Variants in ASCC3 observed in about 807,000 individuals in gnomAD.
ASCC3 encodes ASC-1 complex subunit P200.
A neutral mutation model predicts 256.3 loss-of-function variants in ASCC3; 158 were observed. The observed-to-expected ratio is 0.62, with a 90% CI of 0.54 to 0.70. The LOEUF is 0.70. Among genes scored for constraint, ASCC3 ranks in the 30% least tolerant of loss-of-function variants. The pLI is 0.00. For synonymous variants in ASCC3, 948 were observed against 883.4 expected, an observed-to-expected ratio of 1.07 and a Z score of -1.30; for missense variants, 2,259 against 2,626.0, an observed-to-expected ratio of 0.86 and a Z score of 3.05.
At chr6:100,538,923 T>C (rs1167925955) in intron 37 of ASCC3, among the ~76,000 whole-genome samples, 1 of 152,098 alleles carries the variant, frequency 6.6e-6, no homozygotes, top group Non-Finnish European at 1.5e-5. Context: ...CGAAATCCTT[T>C]ATAATCGCAA....
intron 30 of ASCC3, among the ~76,000 whole-genome samples, chr6:100,618,917 A>G (rs952647475): frequency 6.6e-6 from 1 of 152,216 alleles, no homozygotes; most frequent in African/African-American, 2.4e-5. Flanking sequence ...AACTCACTTC[A>G]TAAAGGAAAA....
At chr6:100,749,894 A>C (rs1254657856) in intron 10 of ASCC3, among the ~76,000 whole-genome samples, 1 of 151,638 alleles carries the variant, frequency 6.6e-6, no homozygotes, top group Non-Finnish European at 1.5e-5. Flanking sequence ...TTACATATAA[A>C]ATTAATATTT....
intron 4 of ASCC3, among the ~76,000 whole-genome samples, chr6:100,810,891 A>G (rs1443491526): frequency 4.6e-5 from 7 of 152,202 alleles, no homozygotes; most frequent in Admixed American, 4.6e-4. Flanking sequence ...AAGTATTGAC[A>G]GATCTGTGAA....
intron 3 of ASCC3, among the ~76,000 whole-genome samples, chr6:100,863,226 T>C (rs1286204478): frequency 1.3e-5 from 2 of 152,224 alleles, no homozygotes; most frequent in African/African-American, 4.8e-5. Context: ...ATTTGTTTCA[T>C]TTAGTTTGAT....
intron 39 of ASCC3, among the ~76,000 whole-genome samples, chr6:100,514,236 C>T (rs1487297980): frequency 6.6e-6 from 1 of 152,084 alleles, no homozygotes; most frequent in East Asian, 1.9e-4. Context: ...TCTGTACAAC[C>T]TGTACAAAGG....
At chr6:100,589,053 G>C (rs1771852968) in intron 36 of ASCC3, among the ~76,000 whole-genome samples, 1 of 152,080 alleles carries the variant, frequency 6.6e-6, no homozygotes, top group South Asian at 2.1e-4. Context: ...TAGAAGGAAA[G>C]GTGGACAAGA....
chr6:100,651,053 C>T (rs1227760599), intron 19 of ASCC3, among the ~76,000 whole-genome samples: 5 of 151,632 alleles, frequency 3.3e-5, no homozygotes, highest in African/African-American at 1.2e-4. Context: ...AGTAAAACCT[C>T]TGCCCAACTG....
At chr6:100,698,205 A>G (rs1778179863) in intron 13 of ASCC3, among the ~76,000 whole-genome samples, 1 of 152,156 alleles carries the variant, frequency 6.6e-6, no homozygotes, top group East Asian at 1.9e-4. Flanking sequence ...TTCACTTGTT[A>G]CAAGTATGTA....
rs1455152741 is a variant in ASCC3, at chr6:100,767,251, A to G, written c.1490T>C (p.Ile497Thr). ...TAYNTNENML[I>T]CAPTGAGKTN... ...TTTTCCAGCTCCTGTAGGGGCACAA[A>G]TCAGCATGTTCTCATTGGTGTTGTA... is the stretch of plus-strand genomic sequence containing the variant. Residue 497 changes from isoleucine to threonine, a missense_variant, in exon 9 of 42, where the codon ATT becomes ACT. Ile to Thr is a moderately conservative substitution (Grantham distance 89). Transcript: ENST00000369162. 6.2e-7 allele frequency: 1 copy of G among 1,614,066 alleles called. No individual in the cohort carries two copies. Among genetic ancestry groups the G allele is most frequent in the Non-Finnish European group, 8.5e-7 (1 of 1,180,000 alleles).
At chr6:100,848,762 C>T (rs748936381) in intron 3 of ASCC3, 55 bp from the exon 4 acceptor site, 18 of 1,551,332 alleles carry the variant, frequency 1.2e-5, no homozygotes, top group African/African-American at 5.4e-5. Context: ...GTTCAAGTTA[C>T]GATCTTCCAA....
chr6:100,706,152 T>G (rs1032176812), intron 13 of ASCC3, among the ~76,000 whole-genome samples: 1 of 150,914 alleles, frequency 6.6e-6, no homozygotes, highest in African/African-American at 2.4e-5. Context: ...GTTAGAATAA[T>G]AAAATTGAAG....
chr6:100,834,243 T>A (rs1334807135), intron 4 of ASCC3, among the ~76,000 whole-genome samples: 1 of 152,208 alleles, frequency 6.6e-6, no homozygotes, highest in East Asian at 1.9e-4. Context: ...ACATTAGAAT[T>A]TATTTTATTT....
intron 37 of ASCC3, among the ~76,000 whole-genome samples, chr6:100,520,528 A>C (rs969428146): frequency 1.5e-4 from 22 of 151,358 alleles, no homozygotes; most frequent in African/African-American, 5.3e-4. Context: ...TTCAAATGCT[A>C]CTTTTTACAA....
intron 14 of ASCC3, among the ~76,000 whole-genome samples, chr6:100,677,251 A>C (rs2114960441): frequency 6.6e-6 from 1 of 152,088 alleles, no homozygotes; most frequent in Middle Eastern, 3.4e-3. Context: ...TATAATATGC[A>C]CTGTGGAGGG....
intron 18 of ASCC3, among the ~76,000 whole-genome samples, chr6:100,652,477 G>C (rs1317660316): frequency 6.6e-6 from 1 of 152,118 alleles, no homozygotes; most frequent in East Asian, 1.9e-4. Flanking sequence ...AAGCAAATGT[G>C]CCTTGACTAT....
At chr6:100,585,288 C>G (rs1395431794) in intron 36 of ASCC3, among the ~76,000 whole-genome samples, 3 of 152,070 alleles carry the variant, frequency 2.0e-5, no homozygotes, top group Non-Finnish European at 4.4e-5. Flanking sequence ...TCTTTTTATT[C>G]TTTTTTCTCT....
rs887615938 is a variant in ASCC3, at chr6:100,608,976, A to G, written c.4786-1888T>C. On this transcript the variant is annotated intron_variant, in intron 30 of 41. Transcript: ENST00000369162. ...GACGGGGTTTCCCGTGTTAGCCAGGATGGTCTCGATCTCCTGGCCTCGTGA... is the reference window on the plus strand; with the variant it reads ...GACGGGGTTTCCCGTGTTAGCCAGGGTGGTCTCGATCTCCTGGCCTCGTGA... 8.0e-5 allele frequency among the ~76,000 whole-genome samples: 12 copies of G among 149,132 alleles called. No individual in the cohort carries two copies. In the Admixed American group the frequency reaches 8.1e-4, roughly 10 times the overall value.
At chr6:100,867,750 T>C (rs981687083) in intron 2 of ASCC3, among the ~76,000 whole-genome samples, 158 bp downstream of exon 2, 4 of 152,194 alleles carry the variant, frequency 2.6e-5, no homozygotes, top group Non-Finnish European at 4.4e-5. Flanking sequence ...AGTATTACCA[T>C]AGTAAACAGC....
intron 11 of ASCC3, among the ~76,000 whole-genome samples, chr6:100,721,143 T>C (rs1273400996): frequency 6.6e-6 from 1 of 151,572 alleles, no homozygotes; most frequent in Non-Finnish European, 1.5e-5. Context: ...GTTTTCTTTT[T>C]CTACTGGGGA....
Sources: gnomAD v4.1 joint callset for allele counts (sites outside exome capture counted in the v4.1 genomes callset) on GRCh38, gnomAD v4.1.1 for gene constraint, MANE v1.5 for transcripts, NCBI Gene and HGNC (gene_info 2026-07-23, HGNC 2026-07-21) for gene names.